KCNMA1: variants seen among roughly 807,000 people sequenced by gnomAD.
KCNMA1 encodes Calcium-activated potassium channel subunit alpha-1.
KCNMA1 carries 29 observed loss-of-function variants against 140.0 expected under a neutral mutation model. The ratio of observed to expected loss-of-function variants is 0.21; its 90% CI spans 0.15 to 0.28. The LOEUF (loss-of-function observed/expected upper bound fraction) is 0.28. Ranked by LOEUF, KCNMA1 falls within the 10% of genes least tolerant of loss-of-function variation. The pLI is 1.00. For missense variants in KCNMA1, 880 were observed against 1,602.2 expected (o/e 0.55, Z 7.70); for synonymous variants, 612 against 611.9 (o/e 1.00, Z 0.00).
At chr10:77,394,295 A>C (rs573779262) in intron 2 of KCNMA1, among the ~76,000 whole-genome samples, 1 of 151,042 alleles carries the variant, frequency 6.6e-6, no homozygotes, top group South Asian at 2.1e-4. Flanking sequence ...AGCCCTGGGG[A>C]GGGCAGAGGA....
chr10:76,962,358 C>T (rs1455921257), intron 20 of KCNMA1, among the ~76,000 whole-genome samples: 2 of 152,204 alleles, frequency 1.3e-5, no homozygotes, highest in Non-Finnish European at 2.9e-5. Flanking sequence ...CATGTCTTAT[C>T]ACACGATAAG....
chr10:76,897,612 G>C (rs2043147564), intron 25 of KCNMA1, among the ~76,000 whole-genome samples: 1 of 151,926 alleles, frequency 6.6e-6, no homozygotes, highest in Admixed American at 6.6e-5. Flanking sequence ...ACAAAAATTA[G>C]CTTCTTTAAA....
In KCNMA1 at chr10:77,614,457, G is replaced by A. The variant is rs111885641; in HGVS notation, c.378+22808C>T. On this transcript the variant is annotated intron_variant, in intron 1 of 27. Transcript: ENST00000286628. ...AAGGGAAGCATGCGGAATTCTCCGG[G>A]GCTCATCGCCATCCCTCACCTAACC... Among the ~76,000 whole-genome samples, 502 of 152,292 alleles carry A rather than the reference G, an allele frequency of 3.3e-3. 6 individuals are homozygous for A. Among genetic ancestry groups the A allele is most frequent in the African/African-American group, 0.011 (476 of 41,554 alleles).
intron 19 of KCNMA1, chr10:76,975,240 TC>T (rs2077135989): frequency 6.6e-6 from 1 of 152,122 alleles, no homozygotes; most frequent in Non-Finnish European, 1.5e-5. Flanking sequence ...TGAACAAAAC[TC>T]CCAAGCTGAC....
chr10:77,128,854 C>A (rs1024288014), intron 5 of KCNMA1, among the ~76,000 whole-genome samples: 2 of 152,128 alleles, frequency 1.3e-5, no homozygotes, highest in Admixed American at 6.5e-5. Flanking sequence ...TTGTAAACAT[C>A]CAGATTCTGA....
chr10:77,221,407 G>T (rs2049624207), intron 3 of KCNMA1, among the ~76,000 whole-genome samples: 1 of 152,072 alleles, frequency 6.6e-6, no homozygotes, highest in Non-Finnish European at 1.5e-5. Context: ...GAAATTATAT[G>T]CAAAATTGTG....
chr10:77,045,874 AG>A (rs1007800548), intron 14 of KCNMA1, among the ~76,000 whole-genome samples: 27 of 152,230 alleles, frequency 1.8e-4, no homozygotes, highest in African/African-American at 6.0e-4. Flanking sequence ...ATCTTGCAAA[AG>A]TCCACCTCTA....
intron 1 of KCNMA1, among the ~76,000 whole-genome samples, chr10:77,430,453 G>A (rs1308577732): frequency 6.6e-6 from 1 of 152,200 alleles, no homozygotes; most frequent in Admixed American, 6.5e-5. Context: ...AGAGTCTACT[G>A]TAGCCTTTAT....
intron 19 of KCNMA1, among the ~76,000 whole-genome samples, chr10:76,986,527 C>A (rs1235152673): frequency 6.6e-6 from 1 of 152,156 alleles, no homozygotes; most frequent in Non-Finnish European, 1.5e-5. Flanking sequence ...TTTCCAGGAG[C>A]AATTCTGGAC....
chr10:77,620,265 G>A lies in KCNMA1; in HGVS notation c.378+17000C>T, dbSNP rs539441005. 1.2e-3 allele frequency among the ~76,000 whole-genome samples: 175 copies of A among 152,134 alleles called. 1 individual carries two copies. Among genetic ancestry groups the A allele is most frequent in the African/African-American group, 3.6e-3 (151 of 41,518 alleles). ...GCCTCAGAGGCTGGGCCTGGCCGCC[G>A]GGCCTGGCCGCCAGGCCTGGTAAGG... On this transcript the variant is annotated intron_variant, in intron 1 of 27. Coordinates refer to ENST00000286628, the MANE Select transcript of KCNMA1 (RefSeq NM_001161352.2).
chr10:77,225,133 G>C (rs1012293829), intron 3 of KCNMA1, among the ~76,000 whole-genome samples: 2 of 152,182 alleles, frequency 1.3e-5, no homozygotes, highest in Admixed American at 6.5e-5. Flanking sequence ...TTACCTTACA[G>C]ACTCCTCCCC....
At chr10:76,909,821 G>T in intron 25 of KCNMA1, 145 bp downstream of exon 25, 1 of 800,844 alleles carries the variant, frequency 1.2e-6, no homozygotes. Context: ...GTTTTATAAT[G>T]TGGGTCTCCC....
chr10:77,219,937 T>A (rs2049048427), intron 3 of KCNMA1, among the ~76,000 whole-genome samples: 1 of 152,224 alleles, frequency 6.6e-6, no homozygotes, highest in Non-Finnish European at 1.5e-5. Context: ...CTTAAGTGTA[T>A]CTTCTCATTA....
intron 2 of KCNMA1, among the ~76,000 whole-genome samples, chr10:77,366,399 C>T (rs1339306015): frequency 6.6e-6 from 1 of 152,164 alleles, no homozygotes; most frequent in African/African-American, 2.4e-5. Context: ...AAACTCCTGA[C>T]CTTAGGTGAT....
At chr10:77,353,870 C>CGCAG (rs2093177245) in intron 2 of KCNMA1, among the ~76,000 whole-genome samples, 1 of 151,520 alleles carries the variant, frequency 6.6e-6, no homozygotes, top group Non-Finnish European at 1.5e-5. Flanking sequence ...GGGACATGAA[C>CGCAG]GCAGGCACAG....
At chr10:76,906,303 T>A (rs1472310267) in intron 25 of KCNMA1, among the ~76,000 whole-genome samples, 1 of 152,222 alleles carries the variant, frequency 6.6e-6, no homozygotes, top group African/African-American at 2.4e-5. Context: ...ACTGTGTGCA[T>A]CAAGATGGTA....
intron 12 of KCNMA1, 62 bp from the exon 13 acceptor site, chr10:77,079,612 A>T: frequency 1.7e-6 from 2 of 1,185,238 alleles, no homozygotes; most frequent in Non-Finnish European, 2.5e-6. Flanking sequence ...TGACAAAAAG[A>T]TCAATTTTAC....
chr10:77,527,850 G>A (rs183374846), intron 1 of KCNMA1, among the ~76,000 whole-genome samples: 176 of 152,124 alleles, frequency 1.2e-3, no homozygotes, highest in South Asian at 1.7e-3. Flanking sequence ...GGGCTGGCTC[G>A]GGCTCCATGC....
At chr10:76,882,409 G>T (rs1378213684), downstream of KCNMA1, among the ~76,000 whole-genome samples, 2 of 152,140 alleles carry the variant, frequency 1.3e-5, no homozygotes, top group African/African-American at 4.8e-5. Flanking sequence ...CAAGGGTAAT[G>T]CTGTGTGGTT....
Sources: allele counts gnomAD v4.1 joint callset (sites outside exome capture counted in the v4.1 genomes callset), GRCh38; gene constraint gnomAD v4.1.1; transcripts MANE v1.5; gene names NCBI Gene and HGNC (gene_info 2026-07-23, HGNC 2026-07-21).